The following DACH1 variants were observed in gnomAD, a reference collection of about 807,000 sequenced individuals.
DACH1 encodes dachshund homolog 1.
DACH1 carries 12 observed loss-of-function variants against 54.2 expected under a neutral mutation model. The ratio of observed to expected loss-of-function variants is 0.22; its 90% CI spans 0.14 to 0.36. The LOEUF (loss-of-function observed/expected upper bound fraction) is 0.36, where lower values mean the gene tolerates loss of function less well. Ranked by LOEUF, DACH1 falls within the 10% of genes least tolerant of loss-of-function variation. The pLI, the probability that DACH1 is intolerant of heterozygous loss-of-function variation, is 1.00. For synonymous variants in DACH1, 386 were observed against 366.2 expected, an observed-to-expected ratio of 1.05 and a Z score of -0.62; for missense variants, 805 against 929.8, an observed-to-expected ratio of 0.87 and a Z score of 1.75.
At chr13:71,849,076 T>G (rs2138259071) in intron 1 of DACH1, among the ~76,000 whole-genome samples, 1 of 152,286 alleles carries the variant, frequency 6.6e-6, no homozygotes, top group African/African-American at 2.4e-5. Context: ...ATAAAATACT[T>G]CCCTTGGATA....
chr13:71,477,570 T>G (rs1430453482), intron 8 of DACH1, among the ~76,000 whole-genome samples: 1 of 152,162 alleles, frequency 6.6e-6, no homozygotes. Flanking sequence ...AACGTTAATT[T>G]CCCTTATTTA....
rs566016014 is a variant in DACH1 at position 71,696,804 on chromosome 13, C to T, written c.849-14894G>A. Among the ~76,000 whole-genome samples the T allele has an allele frequency of 2.0e-5, 3 of 152,310 alleles. No homozygotes were observed. The South Asian group carries it at 6.2e-4, about 32-fold the overall frequency. On this transcript the variant is annotated intron_variant, in intron 1 of 10. Coordinates refer to ENST00000613252, the MANE Select transcript of DACH1 (RefSeq NM_080759.6). ...ACAGGTGATCCGCCCACCTCAGCCT[C>T]TCAAATGCTGGGATTACAGGCATGA...
At chr13:71,441,292 A>T (rs561391056) in intron 10 of DACH1, among the ~76,000 whole-genome samples, 3 of 152,208 alleles carry the variant, frequency 2.0e-5, no homozygotes, top group South Asian at 2.1e-4. Context: ...ACTTTTACTA[A>T]TGAGCAAACA....
intron 1 of DACH1, among the ~76,000 whole-genome samples, chr13:71,793,510 A>G (rs1028247071): frequency 1.3e-5 from 2 of 152,144 alleles, no homozygotes; most frequent in Admixed American, 1.3e-4. Flanking sequence ...CTTACTTCTC[A>G]ACCCAGTGAT....
At chr13:71,480,208 T>C (rs996864590) in intron 7 of DACH1, among the ~76,000 whole-genome samples, 206 of 152,306 alleles carry the variant, frequency 1.4e-3, no homozygotes, top group African/African-American at 4.9e-3. Flanking sequence ...TTTCTTGAGA[T>C]ACGTAATATA....
At chr13:71,442,486 T>C (rs1182640089) in intron 10 of DACH1, among the ~76,000 whole-genome samples, 1 of 152,140 alleles carries the variant, frequency 6.6e-6, no homozygotes, top group Non-Finnish European at 1.5e-5. Flanking sequence ...TGAATAATGC[T>C]GCAATAAAAC....
intron 2 of DACH1, among the ~76,000 whole-genome samples, chr13:71,681,055 T>C (rs1446007132): frequency 6.6e-6 from 1 of 151,908 alleles, no homozygotes; most frequent in Non-Finnish European, 1.5e-5. Flanking sequence ...TATTCTATAT[T>C]ATATAATAAT....
At chr13:71,651,965 C>G (rs1878720508) in intron 2 of DACH1, among the ~76,000 whole-genome samples, 1 of 152,116 alleles carries the variant, frequency 6.6e-6, no homozygotes, top group South Asian at 2.1e-4. Context: ...GATATTCTTG[C>G]TAAATACTAG....
chr13:71,642,694 C>A (rs1305996443), intron 2 of DACH1, among the ~76,000 whole-genome samples: 2 of 151,936 alleles, frequency 1.3e-5, no homozygotes, highest in Non-Finnish European at 2.9e-5. Context: ...ATCACAATAA[C>A]CAAAGACTGA....
intron 1 of DACH1, among the ~76,000 whole-genome samples, chr13:71,756,077 CA>C (rs1361282987): frequency 6.6e-6 from 1 of 151,974 alleles, no homozygotes; most frequent in African/African-American, 2.4e-5. Context: ...GTCGCCCAGA[CA>C]GGAGTGCGGT....
chr13:71,783,810 A>G (rs1886477970), intron 1 of DACH1, among the ~76,000 whole-genome samples: 1 of 151,920 alleles, frequency 6.6e-6, no homozygotes, highest in African/African-American at 2.4e-5. Context: ...AAAACATAAA[A>G]GACACAAAAT....
intron 3 of DACH1, among the ~76,000 whole-genome samples, chr13:71,617,695 C>A (rs1162703449): frequency 2.0e-5 from 3 of 152,054 alleles, no homozygotes; most frequent in Non-Finnish European, 4.4e-5. Context: ...AAAGAAACAC[C>A]ACATTACAAA....
At chr13:71,568,443 A>G (rs1421538413) in intron 4 of DACH1, among the ~76,000 whole-genome samples, 1 of 152,066 alleles carries the variant, frequency 6.6e-6, no homozygotes, top group Non-Finnish European at 1.5e-5. Flanking sequence ...GCAACCAAAA[A>G]GATGAAGAAT....
chr13:71,549,622 ACT>A (rs1310259906), intron 6 of DACH1, among the ~76,000 whole-genome samples: 1 of 152,182 alleles, frequency 6.6e-6, no homozygotes, highest in African/African-American at 2.4e-5. Context: ...TTGAGAAACC[ACT>A]GAGGTTGTCA....
intron 2 of DACH1, among the ~76,000 whole-genome samples, chr13:71,652,298 T>C (rs893040538): frequency 6.6e-6 from 1 of 152,116 alleles, no homozygotes; most frequent in African/African-American, 2.4e-5. Context: ...CCATGGCAGA[T>C]TGTCTTTCTT....
intron 3 of DACH1, among the ~76,000 whole-genome samples, chr13:71,623,146 A>G (rs891388433): frequency 4.0e-5 from 6 of 151,692 alleles, no homozygotes; most frequent in African/African-American, 1.4e-4. Flanking sequence ...GTGAAAAATG[A>G]TTTTTTTAAT....
chr13:71,667,952 T>C (rs1879953341), intron 2 of DACH1, among the ~76,000 whole-genome samples: 1 of 152,132 alleles, frequency 6.6e-6, no homozygotes, highest in Admixed American at 6.5e-5. Context: ...CTAAAAGAAT[T>C]TTATTAAGCA....
intron 1 of DACH1, among the ~76,000 whole-genome samples, chr13:71,693,578 A>T (rs896513828): frequency 6.8e-5 from 10 of 146,684 alleles, no homozygotes; most frequent in African/African-American, 2.3e-4. Flanking sequence ...TCGGCCTCCC[A>T]AAGTGCTGGG....
intron 1 of DACH1, among the ~76,000 whole-genome samples, chr13:71,765,221 CCAGG>C (rs1885570387): frequency 6.6e-6 from 1 of 152,298 alleles, no homozygotes; most frequent in South Asian, 2.1e-4. Context: ...GTCATACAAA[CCAGG>C]CATTTGGAAG....
Sources: allele counts gnomAD v4.1 joint callset (sites outside exome capture counted in the v4.1 genomes callset), GRCh38; gene constraint gnomAD v4.1.1; transcripts MANE v1.5; gene names NCBI Gene and HGNC (gene_info 2026-07-23, HGNC 2026-07-21).